CSTPP1: variants seen among roughly 807,000 people sequenced by gnomAD.
The protein encoded by CSTPP1 is UPF0705 protein C11orf49.
the CSTPP1 span, among the ~76,000 whole-genome samples, chr11:47,133,672 A>T: frequency 0.98 from 150,007 of 152,322 alleles, 73,906 homozygotes; most frequent in Middle Eastern, 1. Flanking sequence ...ATCCAGTTCA[A>T]CTGGAGCTAT....
chr11:47,036,261 TAA>T, the CSTPP1 span, among the ~76,000 whole-genome samples: 1 of 50,652 alleles, frequency 2.0e-5, no homozygotes, highest in Non-Finnish European at 4.3e-5. Context: ...ATATATTATA[TAA>T]TATATATATT....
chr11:47,117,769 A>G, the CSTPP1 span, among the ~76,000 whole-genome samples: 2 of 152,088 alleles, frequency 1.3e-5, no homozygotes, highest in African/African-American at 2.4e-5. Flanking sequence ...AGGTCCACCA[A>G]TCAAACATAG....
the CSTPP1 span, among the ~76,000 whole-genome samples, chr11:47,021,350 A>G: frequency 6.6e-6 from 1 of 152,114 alleles, no homozygotes; most frequent in African/African-American, 2.4e-5. Context: ...ACTCTCTTCT[A>G]TTATACCTCC....
the CSTPP1 span, among the ~76,000 whole-genome samples, chr11:47,049,381 A>T: frequency 2.6e-5 from 4 of 152,130 alleles, no homozygotes; most frequent in Admixed American, 6.5e-5. Flanking sequence ...TCATGCCAGT[A>T]ATCCCAACAC....
the CSTPP1 span, among the ~76,000 whole-genome samples, chr11:47,121,526 C>T: frequency 7.9e-5 from 12 of 152,308 alleles, no homozygotes; most frequent in Admixed American, 2.6e-4. Flanking sequence ...GACTTCACAA[C>T]TTAAAAGAGC....
chr11:47,110,135 ATTTC>A, the CSTPP1 span, among the ~76,000 whole-genome samples: 1 of 152,244 alleles, frequency 6.6e-6, no homozygotes, highest in African/African-American at 2.4e-5. Flanking sequence ...TCCTAAAAGT[ATTTC>A]TTTCTTTGTT....
the CSTPP1 span, among the ~76,000 whole-genome samples, chr11:47,014,293 G>A: frequency 6.9e-6 from 1 of 144,858 alleles, no homozygotes; most frequent in African/African-American, 2.6e-5. Context: ...GAAGGAGGGA[G>A]GAAGAAAGAG....
At chr11:47,011,648 A>T in the CSTPP1 span, among the ~76,000 whole-genome samples, 2 of 152,252 alleles carry the variant, frequency 1.3e-5, no homozygotes, top group African/African-American at 4.8e-5. Context: ...TTTTCCAAGA[A>T]CTACGACTGG....
At chr11:46,963,470 A>C in the CSTPP1 span, among the ~76,000 whole-genome samples, 1 of 152,062 alleles carries the variant, frequency 6.6e-6, no homozygotes, top group African/African-American at 2.4e-5. Flanking sequence ...AAAAAAGAAA[A>C]CACATTTAAG....
chr11:47,150,623 G>T, the CSTPP1 span, among the ~76,000 whole-genome samples: 3 of 152,170 alleles, frequency 2.0e-5, no homozygotes, highest in Admixed American at 6.5e-5. Flanking sequence ...TCAGCCTGAA[G>T]AATATGGAGA....
At chr11:47,027,503 C>T in the CSTPP1 span, among the ~76,000 whole-genome samples, 1 of 152,224 alleles carries the variant, frequency 6.6e-6, no homozygotes, top group African/African-American at 2.4e-5. Flanking sequence ...CTCTATTTCA[C>T]GGCTATTTTA....
chr11:46,953,066 A>G, the CSTPP1 span, among the ~76,000 whole-genome samples: 1 of 152,096 alleles, frequency 6.6e-6, no homozygotes, highest in African/African-American at 2.4e-5. Flanking sequence ...GTGGGGGTGG[A>G]GAGTTTCAAG....
At chr11:47,164,215 C>T in the CSTPP1 span, 32 of 1,613,606 alleles carry the variant, frequency 2.0e-5, no homozygotes, top group Admixed American at 5.0e-5. Context: ...GCTTCGGTAC[C>T]GACGCCCTAC....
At chr11:47,048,193 A>G in the CSTPP1 span, among the ~76,000 whole-genome samples, 6 of 152,232 alleles carry the variant, frequency 3.9e-5, no homozygotes, top group Non-Finnish European at 5.9e-5. Context: ...TGAAACAGAT[A>G]CTTGTATACA....
the CSTPP1 span, among the ~76,000 whole-genome samples, chr11:47,158,909 G>C: frequency 2.0e-5 from 3 of 152,202 alleles, no homozygotes; most frequent in African/African-American, 7.2e-5. Flanking sequence ...TCAAGGAAAA[G>C]ACACACAGCA....
chr11:47,007,622 A>AT, the CSTPP1 span, among the ~76,000 whole-genome samples: 173 of 139,350 alleles, frequency 1.2e-3, no homozygotes, highest in African/African-American at 4.0e-3. Flanking sequence ...TGTCCTATCC[A>AT]TTTTTTTTTT....
At chr11:46,976,259 T>C in the CSTPP1 span, among the ~76,000 whole-genome samples, 2 of 152,172 alleles carry the variant, frequency 1.3e-5, no homozygotes, top group Non-Finnish European at 2.9e-5. Context: ...TATTGTAAGC[T>C]AACAAAGCCA....
chr11:46,961,776 T>A, the CSTPP1 span, among the ~76,000 whole-genome samples: 1 of 152,186 alleles, frequency 6.6e-6, no homozygotes, highest in Non-Finnish European at 1.5e-5. Flanking sequence ...TTTTTACATA[T>A]GAGTATCCAG....
At chr11:46,987,231 A>G in the CSTPP1 span, 1 of 1,614,078 alleles carries the variant, frequency 6.2e-7, no homozygotes, top group Non-Finnish European at 8.5e-7. Flanking sequence ...CCTCACCTAC[A>G]TGGAGGATGC....
Sources: allele counts gnomAD v4.1 joint callset (sites outside exome capture counted in the v4.1 genomes callset), GRCh38; gene constraint gnomAD v4.1.1; transcripts MANE v1.5; gene names NCBI Gene and HGNC (gene_info 2026-07-23, HGNC 2026-07-21).